The following TACC2 variants were observed in gnomAD, a reference collection of about 807,000 sequenced individuals.
TACC2 encodes transforming acidic coiled-coil containing protein 2, also known as transforming acidic coiled-coil-containing protein 2.
In TACC2, 137 loss-of-function variants were observed where a neutral mutation model predicts 227.3. The ratio of observed to expected loss-of-function variants is 0.60; its 90% CI spans 0.52 to 0.69. The LOEUF is 0.69. TACC2 is among the 30% of genes least tolerant of loss of function. The pLI, the probability that TACC2 is intolerant of heterozygous loss-of-function variation, is 0.00. For synonymous variants in TACC2, 1,523 were observed against 1,487.5 expected, an observed-to-expected ratio of 1.02 and a Z score of -0.55; for missense variants, 3,470 against 3,694.4, an observed-to-expected ratio of 0.94 and a Z score of 1.57.
chr10:122,242,075 G>T, intron 19 of TACC2, 74 bp downstream of exon 19: 1 of 1,395,648 alleles, frequency 7.2e-7, no homozygotes. Context: ...TGGAAGATAG[G>T]AGGCTCAGAG....
chr10:122,029,906 G>A (rs61614809), intron 2 of TACC2, among the ~76,000 whole-genome samples: 23,057 of 149,854 alleles, frequency 0.15, 1,963 homozygotes, highest in East Asian at 0.27. Flanking sequence ...AAGATAGAGC[G>A]GTGGGCAGGG....
chr10:122,075,269 C>T (rs2078662211), intron 3 of TACC2, among the ~76,000 whole-genome samples: 2 of 151,970 alleles, frequency 1.3e-5, no homozygotes, highest in Admixed American at 1.3e-4. Flanking sequence ...AAACCGGAAT[C>T]CTCCTACCTA....
chr10:122,108,442 CTTTTTTT>C (rs34097153), intron 5 of TACC2, among the ~76,000 whole-genome samples: 1 of 90,022 alleles, frequency 1.1e-5, no homozygotes, highest in Non-Finnish European at 2.0e-5. Flanking sequence ...GTCATATTTT[CTTTTTTT>C]TTTTTTTTTT....
intron 7 of TACC2, among the ~76,000 whole-genome samples, chr10:122,189,142 A>T (rs1404015349): frequency 6.6e-6 from 1 of 152,170 alleles, no homozygotes. Context: ...GTCTGATCAT[A>T]CTGTTTTATG....
Position 122,083,839 on chromosome 10 carries a change from A to G in TACC2, c.1339A>G (p.Lys447Glu), listed in dbSNP as rs1405087894. 2 of 1,614,168 alleles carry G rather than the reference A, an allele frequency of 1.2e-6. No individual in the cohort carries two copies. Among genetic ancestry groups the G allele is most frequent in the East Asian group, 2.2e-5 (1 of 44,888 alleles). ...ATCATCATCCAGGGAATCAGTTTCC[A>G]AGGCTGGGATGCCAGTTTCTGCAGA... ...PGSSSRESVS[K>E]AGMPVSADAA... Residue 447 changes from lysine to glutamate, a missense_variant, in exon 4 of 23, where the codon AAG (lysine) becomes GAG (glutamate). Physicochemically the swap from Lys to Glu is moderately conservative, Grantham distance 56. Around this residue, in one of 10 missense-constraint regions of TACC2, gnomAD observed 1,924 missense variants for 1,978.3 expected, o/e 0.97. Coordinates refer to ENST00000369005, the MANE Select transcript of TACC2 (RefSeq NM_206862.4).
chr10:122,183,996 G>T (rs1274915767), intron 7 of TACC2, among the ~76,000 whole-genome samples: 1 of 152,156 alleles, frequency 6.6e-6, no homozygotes, highest in Non-Finnish European at 1.5e-5. Flanking sequence ...TTCTGAAACC[G>T]TGAATAGTCA....
chr10:122,226,445 C>T lies in TACC2; in HGVS notation c.7688C>T (p.Pro2563Leu). Residue 2563 changes from proline to leucine, a missense_variant, in exon 13 of 23, where the codon CCC becomes CTC. By Grantham distance (98) the Pro-to-Leu change is moderately conservative. Coordinates refer to ENST00000369005, the MANE Select transcript of TACC2 (RefSeq NM_206862.4). Reference protein sequence around the residue: ...TSQESPVKSSPVRMSESPTPC... With the variant: ...TSQESPVKSSLVRMSESPTPC... ...CAGGAGAGCCCTGTCAAGTCATCTC[C>T]CGTCCGCATGTCAGAGTCCCCGACG... 14 of 1,614,014 alleles carry T rather than the reference C, an allele frequency of 8.7e-6. No homozygotes were observed. Among genetic ancestry groups the T allele is most frequent in the African/African-American group, 2.7e-5 (2 of 75,010 alleles).
At chr10:122,001,847 C>G (rs747606245) in intron 1 of TACC2, among the ~76,000 whole-genome samples, 1 of 152,170 alleles carries the variant, frequency 6.6e-6, no homozygotes, top group Non-Finnish European at 1.5e-5. Context: ...ACTATTATAT[C>G]TACCTTTTCC....
intron 11 of TACC2, among the ~76,000 whole-genome samples, chr10:122,222,135 C>A (rs2141255245): frequency 6.6e-6 from 1 of 152,322 alleles, no homozygotes; most frequent in African/African-American, 2.4e-5. Flanking sequence ...GGTGACATCA[C>A]CCTTCCTGGC....
At chr10:122,218,372 G>A (rs1438941938) in intron 11 of TACC2, among the ~76,000 whole-genome samples, 3 of 152,144 alleles carry the variant, frequency 2.0e-5, no homozygotes, top group Non-Finnish European at 4.4e-5. Context: ...CCCTGTCTGA[G>A]TGGAGTGGTG....
Position 122,205,573 on chromosome 10 carries a change from G to A in TACC2, c.5972-4824G>A, listed in dbSNP as rs1285053283. 6.6e-6 allele frequency among the ~76,000 whole-genome samples: 1 copy of A among 152,230 alleles called. No individual in the cohort carries two copies. On this transcript the variant is annotated intron_variant, in intron 8 of 22. Transcript: ENST00000369005. The surrounding 1 kb of genome is among the most constrained non-coding windows in gnomAD (Gnocchi z 4.5). ...TACCCACTGGAGGTTTAAGAATGAGGATAGGCCCAGATAGAAGCAGATGAG... is the reference window on the plus strand; with the variant it reads ...TACCCACTGGAGGTTTAAGAATGAGAATAGGCCCAGATAGAAGCAGATGAG...
chr10:122,068,413 CG>C (rs2077623556), intron 3 of TACC2, among the ~76,000 whole-genome samples: 1 of 152,064 alleles, frequency 6.6e-6, no homozygotes, highest in East Asian at 1.9e-4. Context: ...TGGATATTTT[CG>C]TATTCCTATA....
chr10:122,130,391 G>A (rs941305415), intron 5 of TACC2, among the ~76,000 whole-genome samples: 3 of 152,068 alleles, frequency 2.0e-5, no homozygotes, highest in African/African-American at 7.2e-5. Context: ...TTTTAAATAC[G>A]TGGCTCCCTG....
At position 122,082,947 on chromosome 10, in the gene TACC2, C is replaced by T; in HGVS notation, c.447C>T (p.Asp149=). 6.2e-7 allele frequency: 1 copy of T among 1,613,032 alleles called. No individual in the cohort carries two copies. The highest frequency in any genetic ancestry group is 8.5e-7 in the Non-Finnish European group (1 of 1,180,008). The change falls in exon 4 of 23, where the codon GAC becomes GAT. Residue 149 remains aspartate, a synonymous_variant. Transcript: ENST00000369005. ...RREPAPNAPG[D]IAAAFPAERD... is the part of the protein sequence containing the mutation. ...AACCTGCCCCAAATGCCCCAGGAGACATCGCGGCGGCATTTCCCGCTGAGA... is the reference window on the plus strand; with the variant it reads ...AACCTGCCCCAAATGCCCCAGGAGATATCGCGGCGGCATTTCCCGCTGAGA...
chr10:122,187,040 G>A (rs866478645), intron 7 of TACC2, among the ~76,000 whole-genome samples: 15 of 152,316 alleles, frequency 9.8e-5, no homozygotes, highest in African/African-American at 3.4e-4. Context: ...GGCCGGCTTA[G>A]TGTCACTCTG....
In TACC2 at chr10:122,084,193, G is replaced by T. The variant is rs1220057312; in HGVS notation, c.1693G>T (p.Ala565Ser). The T allele has an allele frequency of 1.2e-6, 2 of 1,614,120 alleles. No homozygotes were observed. The highest frequency in any genetic ancestry group is 1.7e-6 in the Non-Finnish European group (2 of 1,180,034). ...TGAAGATTCCACAAGCCCAGCCGTGGCTAAAGAAGGAAGCAGATCACCTGG... is the reference window on the plus strand; with the variant it reads ...TGAAGATTCCACAAGCCCAGCCGTGTCTAAAGAAGGAAGCAGATCACCTGG... ...VHEDSTSPAVAKEGSRSPGDS... is the reference protein window; with the variant it reads ...VHEDSTSPAVSKEGSRSPGDS... Residue 565 changes from alanine to serine, a missense_variant, in exon 4 of 23, where the codon GCT (alanine) becomes TCT (serine). Coordinates refer to ENST00000369005, the MANE Select transcript of TACC2 (RefSeq NM_206862.4).
chr10:122,069,443 C>T (rs979806691), intron 3 of TACC2, among the ~76,000 whole-genome samples: 8 of 152,014 alleles, frequency 5.3e-5, no homozygotes, highest in Non-Finnish European at 7.4e-5. Flanking sequence ...GGGGTTTCAC[C>T]GTGTTAGCCA....
intron 7 of TACC2, among the ~76,000 whole-genome samples, chr10:122,186,207 G>A (rs1311457480): frequency 6.6e-6 from 1 of 152,184 alleles, no homozygotes. Flanking sequence ...GGGATTACAG[G>A]TGTGAGCCAC....
intron 2 of TACC2, among the ~76,000 whole-genome samples, chr10:122,028,071 T>C (rs916344512): frequency 1.6e-5 from 2 of 125,852 alleles, no homozygotes; most frequent in African/African-American, 7.2e-5. Flanking sequence ...TTTTCTTTTT[T>C]CTTTCTTTCT....
Sources: gnomAD v4.1 joint callset for allele counts (sites outside exome capture counted in the v4.1 genomes callset) on GRCh38, gnomAD v4.1.1 for gene constraint, gnomAD v4.1.1 regional missense constraint, Gnocchi (gnomAD v3.1) non-coding constraint, MANE v1.5 for transcripts, NCBI Gene and HGNC (gene_info 2026-07-23, HGNC 2026-07-21) for gene names.